Variants in KITLG observed in about 807,000 individuals in gnomAD.
KITLG encodes the protein KIT ligand.
Under a neutral mutation model 34.1 loss-of-function variants are expected in KITLG, and 13 were observed. That is an observed-to-expected ratio of 0.38 (90% confidence interval 0.25 to 0.61). KITLG has a LOEUF of 0.61. Among genes scored for constraint, KITLG ranks in the 20% least tolerant of loss-of-function variants. The probability of loss-of-function intolerance (pLI) is 0.60; values close to 1 mark genes in which losing one functional copy is unlikely to be tolerated. For synonymous variants in KITLG, 110 were observed against 104.0 expected (o/e 1.06, Z -0.35); for missense variants, 292 against 318.9 (o/e 0.92, Z 0.64).
rs534815569 is a variant in KITLG, at chr12:88,494,740, A to G, written c.*2479T>C. The G allele has an allele frequency of 6.6e-6, 1 of 152,452 alleles. No homozygotes were observed. The highest frequency in any genetic ancestry group is 2.1e-4 in the South Asian group (1 of 4,818). 9.4% of individuals were successfully genotyped at this position (152,452 alleles called of 1,614,324 possible). On this transcript the variant is annotated 3_prime_UTR_variant, in exon 10 of 10. Transcript: ENST00000644744. ...CTACAGACTTCTGAGATCATTTTAA[A>G]AGGTAATTTTGAAACCTTCCAAGAT...
At chr12:88,501,017 T>C (rs1324111698) in intron 9 of KITLG, among the ~76,000 whole-genome samples, 1 of 152,120 alleles carries the variant, frequency 6.6e-6, no homozygotes, top group Non-Finnish European at 1.5e-5. Flanking sequence ...TGGGCTCAAG[T>C]GATCCTCCCA....
At chr12:88,546,308 C>G (rs1167494466) in intron 1 of KITLG, among the ~76,000 whole-genome samples, 1 of 152,170 alleles carries the variant, frequency 6.6e-6, no homozygotes, top group Non-Finnish European at 1.5e-5. Flanking sequence ...ATCCAATAAT[C>G]TACAATAGCA....
At chr12:88,499,100 C>T (rs902542412) in intron 9 of KITLG, among the ~76,000 whole-genome samples, 3 of 151,994 alleles carry the variant, frequency 2.0e-5, no homozygotes, top group Admixed American at 2.0e-4. Flanking sequence ...ACCCTCATTA[C>T]ACATGAAAAA....
intron 1 of KITLG, among the ~76,000 whole-genome samples, chr12:88,570,869 GTTATTAAC>G (rs1871629027): frequency 6.6e-6 from 1 of 152,188 alleles, no homozygotes; most frequent in Admixed American, 6.5e-5. Context: ...GTAATTCACA[GTTATTAAC>G]TTATTAATTT....
At chr12:88,506,504 C>T (rs965595138) in intron 7 of KITLG, 126 bp from the exon 8 acceptor site, 5 of 733,448 alleles carry the variant, frequency 6.8e-6, no homozygotes, top group Admixed American at 5.9e-5. Context: ...CAGCATGTAG[C>T]ATGCAAAATA....
chr12:88,514,706 GTTTT>G (rs200219732), intron 6 of KITLG, among the ~76,000 whole-genome samples: 1 of 151,554 alleles, frequency 6.6e-6, no homozygotes, highest in Non-Finnish European at 1.5e-5. Context: ...GTATTTTAGA[GTTTT>G]TTTAAATGTT....
rs41416044 is a variant in KITLG, at chr12:88,516,409, C to T, written c.445G>A (p.Asp149Asn). 6.2e-7 allele frequency: 1 copy of T among 1,609,922 alleles called. No individual in the cohort carries two copies. The highest frequency in any genetic ancestry group is 1.3e-5 in the African/African-American group (1 of 74,852). The change falls in exon 5 of 10, where the codon GAT (aspartate) becomes AAT (asparagine). Residue 149 changes from aspartate to asparagine, a missense_variant. Asp to Asn is a conservative substitution (Grantham distance 23). Transcript: ENST00000644744. ...GCCACTACAAAGTCCTTGAAGGCAT[C>T]AATGGATCTATTAAAAATTCTAAAG... is the stretch of plus-strand genomic sequence containing the variant. ...EFFRIFNRSIDAFKDFVVASE... is the reference protein window; with the variant it reads ...EFFRIFNRSINAFKDFVVASE...
chr12:88,577,334 A>G (rs1250484062), intron 1 of KITLG, among the ~76,000 whole-genome samples: 1 of 152,160 alleles, frequency 6.6e-6, no homozygotes, highest in Non-Finnish European at 1.5e-5. Context: ...TGCAAGATCA[A>G]TCTTTCTTAT....
chr12:88,502,175 A>G lies in KITLG; in HGVS notation c.*37+2984T>C, dbSNP rs553630713. Among the ~76,000 whole-genome samples the G allele has an allele frequency of 1.6e-4, 25 of 152,256 alleles. 1 individual carries two copies. In the South Asian group the frequency reaches 4.4e-3, roughly 27 times the overall value. ...CATGTTTTCATTCATTCTGCCATCT[A>G]TTTCCCATTGACTACTGAATAAGTG... is the stretch of plus-strand genomic sequence containing the variant. On this transcript the variant is annotated intron_variant, in intron 9 of 9. Transcript: ENST00000644744.
At chr12:88,546,173 G>A in intron 1 of KITLG, 1 of 416,482 alleles carries the variant, frequency 2.4e-6, no homozygotes. Context: ...TAGCCCTTAG[G>A]GTATCTTCTA....
chr12:88,505,231 A>C lies in KITLG; in HGVS notation c.787T>G (p.Leu263Val). 2 of 1,609,572 alleles carry C rather than the reference A, an allele frequency of 1.2e-6. No homozygotes were observed. Among genetic ancestry groups the C allele is most frequent in the Non-Finnish European group, 1.7e-6 (2 of 1,176,098 alleles). The change falls in exon 9 of 10, where the codon TTG (leucine) becomes GTG (valine). Residue 263 changes from leucine (L) to valine (V), a missense_variant. This residue lies in a region of KITLG where 140 missense variants were observed against 111.0 expected (regional missense o/e 1.26). Transcript: ENST00000644744. Reference sequence around the variant, plus strand: ...TGAAACTCTCTCTCTTTCTCTTGCAACATACTGAAAAACAATAAGAAAAAA... The same window carrying C: ...TGAAACTCTCTCTCTTTCTCTTGCACCATACTGAAAAACAATAAGAAAAAA... Reference protein sequence around the residue: ...INEEDNEISMLQEKEREFQEV With the variant: ...INEEDNEISMVQEKEREFQEV
Position 88,526,863 on chromosome 12 carries a change from CTTTT to C in KITLG, c.192+5574_192+5577del, listed in dbSNP as rs10532642. 6.3e-3 allele frequency among the ~76,000 whole-genome samples: 503 copies of C among 79,978 alleles called. 9 individuals are homozygous for C. The highest frequency in any genetic ancestry group is 0.019 in the African/African-American group (456 of 24,380). The allele number at this position is 79,978 out of a possible 152,430, so 52.5% of individuals were successfully genotyped here. On this transcript the variant is annotated intron_variant, in intron 3 of 9. Coordinates refer to ENST00000644744, the MANE Select transcript of KITLG (RefSeq NM_000899.5). Reference sequence around the variant, plus strand: ...TGGAAAGGTGCCAGATCAGTATAGTCTTTTTTTTTTTTTTTTTTTTTTTGAGACG... The same window carrying C: ...TGGAAAGGTGCCAGATCAGTATAGTCTTTTTTTTTTTTTTTTTTTGAGACG...
intron 6 of KITLG, among the ~76,000 whole-genome samples, chr12:88,508,901 T>G (rs1468453488): frequency 1.3e-5 from 2 of 152,212 alleles, no homozygotes; most frequent in African/African-American, 4.8e-5. Flanking sequence ...ATTTAACTAC[T>G]ATCTATAAAA....
intron 3 of KITLG, among the ~76,000 whole-genome samples, chr12:88,531,226 T>C (rs990836834): frequency 2.0e-5 from 3 of 152,122 alleles, no homozygotes; most frequent in Non-Finnish European, 4.4e-5. Flanking sequence ...AAGAGAATGC[T>C]CCTCCTGCTC....
At chr12:88,523,775 G>T (rs916140612) in intron 3 of KITLG, among the ~76,000 whole-genome samples, 1 of 151,874 alleles carries the variant, frequency 6.6e-6, no homozygotes. Context: ...CTTCTCTTTG[G>T]ATTAGCTGGG....
intron 1 of KITLG, among the ~76,000 whole-genome samples, chr12:88,555,361 A>G (rs767472023): frequency 1.3e-5 from 2 of 152,170 alleles, no homozygotes; most frequent in Non-Finnish European, 2.9e-5. Flanking sequence ...TTATTACCCT[A>G]CTCTGCAGGT....
chr12:88,542,775 G>A (rs1044939046), intron 2 of KITLG, among the ~76,000 whole-genome samples: 2 of 151,968 alleles, frequency 1.3e-5, no homozygotes, highest in African/African-American at 2.4e-5. Flanking sequence ...GTTGAGATTC[G>A]GTATAGTGAT....
intron 4 of KITLG, among the ~76,000 whole-genome samples, chr12:88,516,940 C>T (rs1869482771): frequency 6.6e-6 from 1 of 151,502 alleles, no homozygotes; most frequent in Non-Finnish European, 1.5e-5. Flanking sequence ...TTACATACTG[C>T]TGAGATAATG....
intron 3 of KITLG, among the ~76,000 whole-genome samples, chr12:88,523,058 C>A (rs1869732667): frequency 6.6e-6 from 1 of 152,156 alleles, no homozygotes; most frequent in Admixed American, 6.5e-5. Flanking sequence ...CCAGCATTAC[C>A]ACCCAGTTTG....
Sources: gnomAD v4.1 joint callset for allele counts (sites outside exome capture counted in the v4.1 genomes callset) on GRCh38, gnomAD v4.1.1 for gene constraint, gnomAD v4.1.1 regional missense constraint, MANE v1.5 for transcripts, NCBI Gene and HGNC (gene_info 2026-07-23, HGNC 2026-07-21) for gene names.